SAMD4A: variants seen among roughly 807,000 people sequenced by gnomAD.
The protein encoded by SAMD4A is sterile alpha motif domain containing 4A.
SAMD4A carries 33 observed loss-of-function variants against 81.3 expected under a neutral mutation model. The observed-to-expected ratio is 0.41, with a 90% confidence interval of 0.31 to 0.54. The LOEUF is 0.54. SAMD4A is among the 20% of genes least tolerant of loss of function. The probability of loss-of-function intolerance (pLI) is 0.37; values close to 1 mark genes in which losing one functional copy is unlikely to be tolerated. For synonymous variants in SAMD4A, 389 were observed against 382.1 expected (o/e 1.02, Z -0.21); for missense variants, 854 against 951.1 (o/e 0.90, Z 1.34).
At chr14:54,619,323 A>G (rs1284884832) in intron 2 of SAMD4A, among the ~76,000 whole-genome samples, 1 of 152,174 alleles carries the variant, frequency 6.6e-6, no homozygotes, top group African/African-American at 2.4e-5. Flanking sequence ...GGGTAGGAGG[A>G]GTAATCTTGA....
intron 2 of SAMD4A, among the ~76,000 whole-genome samples, chr14:54,569,416 C>T (rs549302968): frequency 3.9e-5 from 6 of 152,264 alleles, no homozygotes; most frequent in South Asian, 2.1e-4. Flanking sequence ...TTTTCCTGAC[C>T]AGACAGGACT....
chr14:54,686,622 A>G lies in SAMD4A; in HGVS notation c.197-15440A>G, dbSNP rs78425780. ...AACAGGGTTTGAGTTGGCAACTCAA[A>G]AGGAGAGTATTATGAATGTGAAAAA... On this transcript the variant is annotated intron_variant, in intron 2 of 12. Transcript: ENST00000554335. Among the ~76,000 whole-genome samples the G allele has an allele frequency of 1.4e-3, 206 of 152,154 alleles. 4 individuals are homozygous for G. In the South Asian group the frequency reaches 0.018, roughly 13 times the overall value.
In SAMD4A at chr14:54,568,717, ATATATAT is replaced by A. The variant is rs1162236340; in HGVS notation, c.196+606_196+612del. 3.2e-5 allele frequency among the ~76,000 whole-genome samples: 4 copies of A among 126,122 alleles called. No homozygotes were observed. In the South Asian group the frequency reaches 8.2e-4, roughly 26 times the overall value. The allele number at this position is 126,122 out of a possible 152,430, so 82.7% of individuals were successfully genotyped here. On this transcript the variant is annotated intron_variant, in intron 2 of 12. Transcript: ENST00000554335. ...TATATATATATATATATATATATAT[ATATATAT>A]ATATATATATATATATAATGCGGTT...
intron 2 of SAMD4A, among the ~76,000 whole-genome samples, chr14:54,675,502 G>A (rs2035975002): frequency 6.6e-6 from 1 of 152,068 alleles, no homozygotes; most frequent in African/African-American, 2.4e-5. Flanking sequence ...CTATGCTTTA[G>A]GTCTGACTAA....
chr14:54,757,870 G>A (rs1299070385), intron 6 of SAMD4A, among the ~76,000 whole-genome samples: 1 of 152,218 alleles, frequency 6.6e-6, no homozygotes, highest in Non-Finnish European at 1.5e-5. Flanking sequence ...AGTCTGATCA[G>A]AAAAGGTGGT....
intron 12 of SAMD4A, among the ~76,000 whole-genome samples, chr14:54,785,765 A>G (rs1181831433): frequency 1.3e-5 from 2 of 152,242 alleles, no homozygotes; most frequent in Non-Finnish European, 2.9e-5. Context: ...TATGAAATAG[A>G]TCAGTGCTCT....
At chr14:54,634,697 G>A (rs1280630258) in intron 2 of SAMD4A, among the ~76,000 whole-genome samples, 1 of 151,230 alleles carries the variant, frequency 6.6e-6, no homozygotes, top group African/African-American at 2.4e-5. Flanking sequence ...CCAGGGGTTG[G>A]GGACCCTCTA....
chr14:54,703,193 T>A (rs1430341477), intron 3 of SAMD4A: 2 of 154,612 alleles, frequency 1.3e-5, no homozygotes, highest in African/African-American at 4.8e-5. Flanking sequence ...GAGAATGCCA[T>A]GGACTTCTCT....
intron 2 of SAMD4A, among the ~76,000 whole-genome samples, chr14:54,641,794 A>ATTG (rs935260563): frequency 2.6e-5 from 4 of 151,946 alleles, no homozygotes; most frequent in South Asian, 2.1e-4. Context: ...CAGTAAGTTT[A>ATTG]TTGTTGTTGT....
chr14:54,739,518 CAAAA>C (rs11301120), intron 4 of SAMD4A, among the ~76,000 whole-genome samples: 3 of 135,400 alleles, frequency 2.2e-5, no homozygotes, highest in African/African-American at 5.6e-5. Flanking sequence ...AGTTAAATGG[CAAAA>C]AAAAAAAAAA....
intron 2 of SAMD4A, among the ~76,000 whole-genome samples, chr14:54,676,338 C>G (rs1295365750): frequency 2.0e-5 from 3 of 152,098 alleles, no homozygotes; most frequent in Admixed American, 1.3e-4. Flanking sequence ...AGATGTTAAC[C>G]ATTTTATGCT....
intron 2 of SAMD4A, among the ~76,000 whole-genome samples, chr14:54,599,011 G>A (rs1412403146): frequency 6.6e-6 from 1 of 152,100 alleles, no homozygotes; most frequent in Non-Finnish European, 1.5e-5. Flanking sequence ...GTAGAGACAT[G>A]GTGTCACCAT....
Position 54,688,931 on chromosome 14 carries a change from C to CTTTTTTTTTTTT in SAMD4A, c.197-13125_197-13114dup, listed in dbSNP as rs71127666. On this transcript the variant is annotated intron_variant, in intron 2 of 12. Coordinates refer to ENST00000554335, the MANE Select transcript of SAMD4A (RefSeq NM_015589.6). ...AGAGAGGGTCCCAGAAGTCGTAATTCTTTTTTTTTTTTTTTTTGAGGCGGA... is the reference window on the plus strand; with the variant it reads ...AGAGAGGGTCCCAGAAGTCGTAATTCTTTTTTTTTTTTTTTTTTTTTTTTTTTTTGAGGCGGA... Among the ~76,000 whole-genome samples, 216 of 115,984 alleles carry CTTTTTTTTTTTT rather than the reference C, an allele frequency of 1.9e-3. 8 individuals carry two copies. The highest frequency in any genetic ancestry group is 2.2e-3 in the Non-Finnish European group (122 of 55,792). The allele number at this position is 115,984 out of a possible 152,430, so 76.1% of individuals were successfully genotyped here.
chr14:54,773,761 T>TA (rs1476350121), intron 9 of SAMD4A, among the ~76,000 whole-genome samples: 61 of 152,306 alleles, frequency 4.0e-4, no homozygotes, highest in African/African-American at 1.3e-3. Context: ...CGACCTTATA[T>TA]CCCTCGCCCC....
intron 2 of SAMD4A, among the ~76,000 whole-genome samples, chr14:54,632,591 T>C (rs1029661868): frequency 6.6e-6 from 1 of 152,224 alleles, no homozygotes; most frequent in Non-Finnish European, 1.5e-5. Context: ...TTTTTTTCAC[T>C]TAACAGCATG....
At chr14:54,761,302 C>A (rs2139865394) in intron 7 of SAMD4A, among the ~76,000 whole-genome samples, 1 of 152,312 alleles carries the variant, frequency 6.6e-6, no homozygotes, top group African/African-American at 2.4e-5. Context: ...ACCCTGCAGT[C>A]TCTCCATCAT....
chr14:54,598,438 T>G (rs979050431), intron 2 of SAMD4A, among the ~76,000 whole-genome samples: 5 of 152,240 alleles, frequency 3.3e-5, no homozygotes, highest in Non-Finnish European at 7.3e-5. Flanking sequence ...TTTTAATAAC[T>G]GTGTAATAGC....
At chr14:54,730,176 G>C (rs1402153206) in intron 3 of SAMD4A, among the ~76,000 whole-genome samples, 6 of 152,226 alleles carry the variant, frequency 3.9e-5, no homozygotes, top group Non-Finnish European at 7.3e-5. Flanking sequence ...AGTAGTAAGA[G>C]CTGACACCAG....
At chr14:54,656,036 T>C (rs1348189607) in intron 2 of SAMD4A, among the ~76,000 whole-genome samples, 1 of 152,194 alleles carries the variant, frequency 6.6e-6, no homozygotes, top group Non-Finnish European at 1.5e-5. Context: ...AAATATTAAA[T>C]ATTAACATGT....
Sources: gnomAD v4.1 joint callset for allele counts (sites outside exome capture counted in the v4.1 genomes callset) on GRCh38, gnomAD v4.1.1 for gene constraint, MANE v1.5 for transcripts, NCBI Gene and HGNC (gene_info 2026-07-23, HGNC 2026-07-21) for gene names.